Variants in HNF4A observed in about 807,000 individuals in gnomAD.
HNF4A encodes hepatocyte nuclear factor 4-alpha.
A neutral mutation model predicts 52.4 loss-of-function variants in HNF4A; 15 were observed. The ratio of observed to expected loss-of-function variants is 0.29; its 90% CI spans 0.19 to 0.44. The LOEUF is 0.44. Ranked by LOEUF, HNF4A falls within the 20% of genes least tolerant of loss-of-function variation. The pLI is 1.00. For missense variants in HNF4A, 479 were observed against 647.2 expected (o/e 0.74, Z 2.82); for synonymous variants, 280 against 264.4 (o/e 1.06, Z -0.57).
intron 1 of HNF4A, among the ~76,000 whole-genome samples, chr20:44,380,226 A>G (rs1341391361): frequency 6.6e-6 from 1 of 152,178 alleles, no homozygotes; most frequent in Non-Finnish European, 1.5e-5. Context: ...AGTGATGTTA[A>G]GTATCTTTTT....
chr20:44,393,158 C>A (rs2063320600), intron 1 of HNF4A, among the ~76,000 whole-genome samples: 1 of 152,236 alleles, frequency 6.6e-6, no homozygotes, highest in Admixed American at 6.5e-5. Flanking sequence ...CATCAGCCTT[C>A]AGGCCCCACA....
downstream of HNF4A, chr20:44,434,518 C>CGGGGGGGG (rs67424811): frequency 1.4e-5 from 1 of 73,870 alleles, no homozygotes; most frequent in African/African-American, 4.7e-5. Context: ...GGGACAAGCG[C>CGGGGGGGG]GGGGGGGGGG....
At chr20:44,398,338 T>G (rs961471166), upstream of HNF4A, among the ~76,000 whole-genome samples, 26 of 152,258 alleles carry the variant, frequency 1.7e-4, no homozygotes, top group Admixed American at 1.7e-3. Flanking sequence ...AGGACACGTC[T>G]CCAGTTACTT....
At chr20:44,407,015 A>G (rs1293695622) in intron 2 of HNF4A, among the ~76,000 whole-genome samples, 1 of 151,892 alleles carries the variant, frequency 6.6e-6, no homozygotes, top group Non-Finnish European at 1.5e-5. Flanking sequence ...CCGAGTATTA[A>G]CTCTGAGCCA....
chr20:44,385,963 G>A (rs953178448), intron 1 of HNF4A, among the ~76,000 whole-genome samples: 13 of 151,384 alleles, frequency 8.6e-5, no homozygotes, highest in Non-Finnish European at 1.8e-4. Flanking sequence ...AGGTTCAAGC[G>A]ATTCTCCTGC....
chr20:44,411,298 C>T (rs144769009), intron 3 of HNF4A, among the ~76,000 whole-genome samples: 47 of 152,298 alleles, frequency 3.1e-4, no homozygotes, highest in African/African-American at 1.0e-3. Flanking sequence ...CTGCCCAGGT[C>T]GGTTAATATT....
At chr20:44,388,856 G>A (rs1600676494) in intron 1 of HNF4A, among the ~76,000 whole-genome samples, 1 of 152,232 alleles carries the variant, frequency 6.6e-6, no homozygotes, top group African/African-American at 2.4e-5. Context: ...CCCAGCTGCG[G>A]CCCGGGTGGC....
rs775721024 is a variant in HNF4A, at chr20:44,385,059, C to CTTTTTTTTTTTTTTTTTTTTTT, written c.50-20992_50-20971dup. Among the ~76,000 whole-genome samples, 59 of 34,984 alleles carry CTTTTTTTTTTTTTTTTTTTTTT rather than the reference C, an allele frequency of 1.7e-3. 12 individuals carry two copies. Among genetic ancestry groups the CTTTTTTTTTTTTTTTTTTTTTT allele is most frequent in the East Asian group, 4.5e-3 (2 of 442 alleles). 23.0% of individuals were successfully genotyped at this position (34,984 alleles called of 152,430 possible). A position where few individuals can be genotyped will look rare whatever the true frequency, so the allele number is the denominator to read the frequency against. On this transcript the variant is annotated intron_variant, in intron 1 of 9. Coordinates refer to the HNF4A transcript ENST00000316673. The stretch of plus-strand genomic sequence containing the variant: ...AGTGGTTTCAGCTGAACTCTGTGAT[C>CTTTTTTTTTTTTTTTTTTTTTT]TTTTTTTTTTTTTTTTTTTTTTTTT...
Position 44,429,573 on chromosome 20 carries a change from C to T in HNF4A, c.1333C>T (p.Pro445Ser), listed in dbSNP as rs1063239. Residue 445 changes from proline (P) to serine (S), a missense_variant, in exon 10 of 10, where the codon CCC becomes TCC. By Grantham distance (74) the Pro-to-Ser change is moderately conservative. Around this residue, in one of 3 missense-constraint regions of HNF4A, gnomAD observed 389 missense variants for 525.1 expected, o/e 0.74. Transcript: ENST00000316099. ...ACCGCCAGGTGGCTCAGGGTCTGAG[C>T]CCTATAAGCTCCTGCCGGGAGCCGT... 3.8e-5 allele frequency: 62 copies of T among 1,613,928 alleles called. No homozygotes were observed. The highest frequency in any genetic ancestry group is 3.7e-5 in the Non-Finnish European group (44 of 1,179,990).
At chr20:44,424,275 G>A in intron 8 of HNF4A, 21 bp downstream of exon 8, 1 of 1,612,744 alleles carries the variant, frequency 6.2e-7, no homozygotes, top group Non-Finnish European at 8.5e-7. Flanking sequence ...AGCCCAGGAG[G>A]GGCGGGGTTG....
intron 2 of HNF4A, among the ~76,000 whole-genome samples, chr20:44,406,828 G>C (rs1295258174): frequency 6.6e-6 from 1 of 152,242 alleles, no homozygotes; most frequent in Non-Finnish European, 1.5e-5. Flanking sequence ...GATGGTTACT[G>C]TTGTTATTCC....
At chr20:44,386,715 A>T (rs1033244370) in intron 1 of HNF4A, among the ~76,000 whole-genome samples, 1 of 152,194 alleles carries the variant, frequency 6.6e-6, no homozygotes, top group African/African-American at 2.4e-5. Context: ...TGCCAGGGAC[A>T]ATGTACAGGA....
intron 2 of HNF4A, 32 bp from the exon 3 acceptor site, chr20:44,407,349 T>G: frequency 6.5e-7 from 1 of 1,531,834 alleles, no homozygotes; most frequent in East Asian, 2.3e-5. Context: ...AAGTTGTGTC[T>G]TCTCCATCCA....
rs189757152 is a variant in HNF4A, at chr20:44,423,230, C to T, written c.893-788C>T. On this transcript the variant is annotated intron_variant, in intron 7 of 9. Coordinates refer to ENST00000316099, the MANE Select transcript of HNF4A (RefSeq NM_000457.6). ...ACTCGGGAGGCTGAGGCAGGAGAAT[C>T]GCTTGAACCCAGGAGGCAGAGGTTG... 7.2e-5 allele frequency among the ~76,000 whole-genome samples: 11 copies of T among 152,180 alleles called. No individual in the cohort carries two copies. In the East Asian group the frequency reaches 1.9e-3, roughly 27 times the overall value.
rs568820315 is a variant in HNF4A at position 44,418,612 on chromosome 20, G to A, written c.736+100G>A. The A allele has an allele frequency of 7.3e-4, 667 of 913,754 alleles. 1 individual carries two copies. The highest frequency in any genetic ancestry group is 1.0e-3 in the Non-Finnish European group (580 of 565,898). The allele number at this position is 913,754 out of a possible 1,614,324, so 56.6% of individuals were successfully genotyped here. The stretch of plus-strand genomic sequence containing the variant: ...TTCACATGGTGGCATGCAAGGGTGA[G>A]GGAGACTAGTCAGGAGTGGCCCTGT... On this transcript the variant is annotated intron_variant, in intron 6 of 9. Coordinates refer to ENST00000316099, the MANE Select transcript of HNF4A (RefSeq NM_000457.6).
upstream of HNF4A, among the ~76,000 whole-genome samples, chr20:44,398,835 A>C (rs2063376589): frequency 6.6e-6 from 1 of 152,224 alleles, no homozygotes. Flanking sequence ...CTAAGATGTC[A>C]TCTATGGAAA....
chr20:44,418,570 T>A lies in HNF4A; in HGVS notation c.736+58T>A, dbSNP rs566659632. On this transcript the variant is annotated intron_variant, in intron 6 of 9. Coordinates refer to ENST00000316099, the MANE Select transcript of HNF4A (RefSeq NM_000457.6). ...AGGGAGGGTATGCCTAGCATGGCAC[T>A]CACCCAGGCAAGGAGATTCACATGG... 2.3e-6 allele frequency: 3 copies of A among 1,295,718 alleles called. No individual in the cohort carries two copies. The East Asian group carries it at 6.9e-5, about 30-fold the overall frequency. The allele number at this position is 1,295,718 out of a possible 1,614,324, so 80.3% of individuals were successfully genotyped here. A position where few individuals can be genotyped will look rare whatever the true frequency, so the allele number is the denominator to read the frequency against.
At chr20:44,392,267 G>T (rs1284561209) in intron 1 of HNF4A, among the ~76,000 whole-genome samples, 1 of 152,152 alleles carries the variant, frequency 6.6e-6, no homozygotes, top group African/African-American at 2.4e-5. Context: ...GTGAGGAAAC[G>T]ATCATCATTC....
At chr20:44,362,782 A>G (rs2062930934) in intron 1 of HNF4A, among the ~76,000 whole-genome samples, 1 of 151,954 alleles carries the variant, frequency 6.6e-6, no homozygotes, top group Non-Finnish European at 1.5e-5. Flanking sequence ...ATAGCATCCA[A>G]GGAGTTTACC....
Sources: gnomAD v4.1 joint callset for allele counts (sites outside exome capture counted in the v4.1 genomes callset) on GRCh38, gnomAD v4.1.1 for gene constraint, gnomAD v4.1.1 regional missense constraint, MANE v1.5 for transcripts, NCBI Gene and HGNC (gene_info 2026-07-23, HGNC 2026-07-21) for gene names.